The following ADCK1 variants were observed in gnomAD, a reference collection of about 807,000 sequenced individuals.
ADCK1 encodes aarF domain-containing protein kinase 1.
In ADCK1, 41 loss-of-function variants were observed where a neutral mutation model predicts 52.3. The ratio of observed to expected loss-of-function variants is 0.78; its 90% CI spans 0.61 to 1.02. The LOEUF (loss-of-function observed/expected upper bound fraction) is 1.02, where lower values mean the gene tolerates loss of function less well. ADCK1 is among the 50% of genes least tolerant of loss of function. ADCK1 has a pLI of 0.00. For missense variants in ADCK1, 658 were observed against 679.5 expected, an observed-to-expected ratio of 0.97 and a Z score of 0.35; for synonymous variants, 250 against 274.6, an observed-to-expected ratio of 0.91 and a Z score of 0.89.
intron 3 of ADCK1, among the ~76,000 whole-genome samples, chr14:77,855,875 C>T (rs2082406661): frequency 6.6e-6 from 1 of 152,094 alleles, no homozygotes. Flanking sequence ...AAAAATTTCC[C>T]CCATTATCAT....
chr14:77,867,106 G>A (rs1462067790), intron 4 of ADCK1, among the ~76,000 whole-genome samples: 2 of 152,210 alleles, frequency 1.3e-5, no homozygotes, highest in Admixed American at 1.3e-4. Context: ...GCCCCTTGGA[G>A]TGCCATTCTC....
At chr14:77,911,415 C>T (rs974400558) in intron 7 of ADCK1, among the ~76,000 whole-genome samples, 6 of 152,216 alleles carry the variant, frequency 3.9e-5, no homozygotes, top group Non-Finnish European at 7.3e-5. Context: ...GCTGCTGGAA[C>T]CTGGAGCCAC....
chr14:77,907,781 G>A, intron 6 of ADCK1, 22 bp from the exon 7 acceptor site: 1 of 1,592,114 alleles, frequency 6.3e-7, no homozygotes, highest in Non-Finnish European at 8.6e-7. Flanking sequence ...CAGACCATCT[G>A]ACCTGTCCCT....
At chr14:77,812,415 A>G (rs574220383) in intron 1 of ADCK1, among the ~76,000 whole-genome samples, 10 of 152,250 alleles carry the variant, frequency 6.6e-5, no homozygotes, top group African/African-American at 2.2e-4. Flanking sequence ...TATTTCACTT[A>G]GCAAAATGTT....
At chr14:77,859,963 C>T (rs369365013) in intron 4 of ADCK1, among the ~76,000 whole-genome samples, 2 of 152,308 alleles carry the variant, frequency 1.3e-5, no homozygotes, top group African/African-American at 4.8e-5. Flanking sequence ...AGTGCTTGTG[C>T]CGTGGTCTAC....
At chr14:77,922,252 C>A (rs1332575572) in intron 7 of ADCK1, among the ~76,000 whole-genome samples, 1 of 152,086 alleles carries the variant, frequency 6.6e-6, no homozygotes, top group Non-Finnish European at 1.5e-5. Flanking sequence ...CAGTGGTGGC[C>A]CTGGGGCATC....
At chr14:77,876,224 A>G (rs749599818) in intron 4 of ADCK1, among the ~76,000 whole-genome samples, 11 of 152,042 alleles carry the variant, frequency 7.2e-5, no homozygotes, top group Non-Finnish European at 1.2e-4. Context: ...TGGCTTTTCC[A>G]GCTTATAGAA....
chr14:77,844,661 T>C (rs1055889503), intron 3 of ADCK1, among the ~76,000 whole-genome samples: 2 of 152,108 alleles, frequency 1.3e-5, no homozygotes, highest in Non-Finnish European at 2.9e-5. Context: ...GCTGACCACA[T>C]AGATGATGGT....
intron 3 of ADCK1, among the ~76,000 whole-genome samples, chr14:77,824,471 T>C (rs1014114923): frequency 1.6e-4 from 24 of 150,414 alleles, no homozygotes; most frequent in Non-Finnish European, 3.3e-4. Flanking sequence ...TCTTGCTCTG[T>C]TGCCCAGGCT....
intron 4 of ADCK1, 68 bp downstream of exon 4, chr14:77,859,347 TGCA>T: frequency 6.7e-7 from 1 of 1,501,436 alleles, no homozygotes; most frequent in Non-Finnish European, 9.0e-7. Flanking sequence ...GCTGAATTCT[TGCA>T]GCCTCGACCA....
At chr14:77,847,830 T>A (rs897964234) in intron 3 of ADCK1, among the ~76,000 whole-genome samples, 1 of 152,096 alleles carries the variant, frequency 6.6e-6, no homozygotes, top group African/African-American at 2.4e-5. Context: ...GCCTTCCAGA[T>A]CCCCCTGTGT....
At chr14:77,893,744 T>TC (rs2083333730) in intron 5 of ADCK1, among the ~76,000 whole-genome samples, 1 of 39,036 alleles carries the variant, frequency 2.6e-5, no homozygotes, top group African/African-American at 1.0e-4. Flanking sequence ...TTCCTTTTTT[T>TC]TTTTTTTTTG....
At chr14:77,850,631 G>A (rs967057670) in intron 3 of ADCK1, among the ~76,000 whole-genome samples, 3 of 146,596 alleles carry the variant, frequency 2.0e-5, no homozygotes, top group Non-Finnish European at 3.0e-5. Flanking sequence ...CTTTTGATTA[G>A]CATTGGCATG....
intron 3 of ADCK1, among the ~76,000 whole-genome samples, chr14:77,856,316 G>A (rs1041215372): frequency 6.6e-6 from 1 of 152,050 alleles, no homozygotes; most frequent in African/African-American, 2.4e-5. Context: ...ATTCCTTTAG[G>A]GCTTAAGTTT....
chr14:77,917,604 T>C (rs536487115), intron 7 of ADCK1, among the ~76,000 whole-genome samples: 76 of 152,354 alleles, frequency 5.0e-4, no homozygotes, highest in African/African-American at 1.8e-3. Context: ...TATAGATTCC[T>C]GGTTTTTTTC....
Position 77,924,499 on chromosome 14 carries a change from G to A in ADCK1, c.901G>A (p.Val301Ile), listed in dbSNP as rs773972124. The change falls in exon 8 of 11, where the codon GTC becomes ATC. Residue 301 changes from valine (V) to isoleucine (I), a missense_variant. Val to Ile is a conservative substitution (Grantham distance 29). Transcript: ENST00000238561. Reference protein sequence around the residue: ...LGKMYSEMIFVNGFVHCDPHP... With the variant: ...LGKMYSEMIFINGFVHCDPHP... Reference sequence around the variant, plus strand: ...CAAGATGTATAGTGAGATGATCTTCGTCAATGGCTTCGTGCACTGCGATCC... The same window carrying A: ...CAAGATGTATAGTGAGATGATCTTCATCAATGGCTTCGTGCACTGCGATCC... 6.2e-6 allele frequency: 10 copies of A among 1,614,004 alleles called. No homozygotes were observed. Among genetic ancestry groups the A allele is most frequent in the East Asian group, 2.2e-5 (1 of 44,896 alleles).
chr14:77,909,551 C>A (rs1191059540), intron 7 of ADCK1, among the ~76,000 whole-genome samples: 25 of 152,298 alleles, frequency 1.6e-4, no homozygotes, highest in Non-Finnish European at 1.8e-4. Flanking sequence ...CTTGGCTCAG[C>A]AGATGAGCCC....
chr14:77,859,143 TG>T lies in ADCK1; in HGVS notation c.290del (p.Gly97AlafsTer19), dbSNP rs2082487623. 1 of 1,613,468 alleles carries T rather than the reference TG, an allele frequency of 6.2e-7. No homozygotes were observed. The highest frequency in any genetic ancestry group is 1.3e-5 in the African/African-American group (1 of 74,854). ...CCANRGTFIK[V>X]GQHLGALDYL... is the part of the protein sequence containing the mutation. ...GCCAACCGGGGCACCTTCATCAAGG[TG>T]GGCCAGCACCTGGGGGCTCTGGACT... On this transcript the variant is annotated frameshift_variant, in exon 4 of 11. Transcript: ENST00000238561. LOFTEE classifies it high-confidence loss of function.
At position 77,836,326 on chromosome 14, in the gene ADCK1, G is replaced by A. The variant is rs367774946; in HGVS notation, c.219+13808G>A. Among the ~76,000 whole-genome samples, 15 of 152,330 alleles carry A rather than the reference G, an allele frequency of 9.8e-5. No homozygotes were observed. In the East Asian group the frequency reaches 2.3e-3, roughly 23 times the overall value. On this transcript the variant is annotated intron_variant, in intron 3 of 10. Coordinates refer to ENST00000238561, the MANE Select transcript of ADCK1 (RefSeq NM_020421.4). Reference sequence around the variant, plus strand: ...AAAGTGATCCAGTCTCAAGGATTTTGTTATAGAAGCACAAATGGATGAAGA... The same window carrying A: ...AAAGTGATCCAGTCTCAAGGATTTTATTATAGAAGCACAAATGGATGAAGA...
Sources: gnomAD v4.1 joint callset for allele counts (sites outside exome capture counted in the v4.1 genomes callset) on GRCh38, gnomAD v4.1.1 for gene constraint, MANE v1.5 for transcripts, NCBI Gene and HGNC (gene_info 2026-07-23, HGNC 2026-07-21) for gene names.